The following COL24A1 variants were observed in gnomAD, a reference collection of about 807,000 sequenced individuals.
COL24A1 encodes collagen alpha-1(XXIV) chain.
A neutral mutation model predicts 253.9 loss-of-function variants in COL24A1; 224 were observed. That is an observed-to-expected ratio of 0.88 (90% CI 0.79 to 0.99). COL24A1 has a LOEUF of 0.99. COL24A1 is among the 50% of genes least tolerant of loss of function. The probability of loss-of-function intolerance (pLI) is 0.00; values close to 1 mark genes in which losing one functional copy is unlikely to be tolerated. For missense variants in COL24A1, 2,131 were observed against 2,068.5 expected, an observed-to-expected ratio of 1.03 and a Z score of -0.59; for synonymous variants, 685 against 673.7, an observed-to-expected ratio of 1.02 and a Z score of -0.26.
intron 38 of COL24A1, among the ~76,000 whole-genome samples, chr1:85,848,181 G>A (rs942947656): frequency 1.3e-5 from 2 of 152,164 alleles, no homozygotes; most frequent in African/African-American, 2.4e-5. Flanking sequence ...GTGCAGTTCT[G>A]TACATTCAGG....
At chr1:86,082,094 C>T (rs1702681883) in intron 7 of COL24A1, among the ~76,000 whole-genome samples, 1 of 151,298 alleles carries the variant, frequency 6.6e-6, no homozygotes, top group East Asian at 1.9e-4. Flanking sequence ...CCTCCTTTCA[C>T]AAACTTTTAG....
At chr1:85,786,588 T>C in intron 47 of COL24A1, 127 bp from the exon 48 acceptor site, 2 of 579,066 alleles carry the variant, frequency 3.5e-6, no homozygotes, top group Admixed American at 3.4e-5. Flanking sequence ...GGAGTTATCC[T>C]GGGCTTCTTT....
chr1:85,866,246 G>A (rs964386259), intron 37 of COL24A1, among the ~76,000 whole-genome samples: 3 of 152,126 alleles, frequency 2.0e-5, no homozygotes, highest in Non-Finnish European at 2.9e-5. Flanking sequence ...GTGAGAGTGA[G>A]ACTCTGCCTA....
intron 23 of COL24A1, among the ~76,000 whole-genome samples, chr1:85,962,243 G>A (rs1691155920): frequency 6.6e-6 from 1 of 152,140 alleles, no homozygotes; most frequent in Non-Finnish European, 1.5e-5. Flanking sequence ...TGGCATCACT[G>A]GAGAAGTAAT....
intron 32 of COL24A1, among the ~76,000 whole-genome samples, 185 bp from the exon 33 acceptor site, chr1:85,877,360 GT>G (rs1681298817): frequency 6.6e-6 from 1 of 152,028 alleles, no homozygotes; most frequent in Non-Finnish European, 1.5e-5. Context: ...ATTCATGTAT[GT>G]GTGTGTGTTT....
chr1:85,732,255 G>C (rs1663562946), intron 59 of COL24A1, among the ~76,000 whole-genome samples: 1 of 149,824 alleles, frequency 6.7e-6, no homozygotes, highest in African/African-American at 2.5e-5. Context: ...TTTTGAGACG[G>C]AGTCTCACTC....
At chr1:85,745,396 T>C in intron 56 of COL24A1, 45 bp downstream of exon 56, 1 of 1,412,172 alleles carries the variant, frequency 7.1e-7, no homozygotes. Context: ...GTTTAATTGG[T>C]ATATTGAGAG....
intron 12 of COL24A1, among the ~76,000 whole-genome samples, chr1:86,046,600 T>C (rs910526164): frequency 1.3e-5 from 2 of 152,192 alleles, no homozygotes; most frequent in Non-Finnish European, 2.9e-5. Context: ...CCCACTGGTA[T>C]AGTGAAAGGG....
chr1:86,125,797 T>C lies in COL24A1; in HGVS notation c.539A>G (p.Glu180Gly). Residue 180 changes from glutamate (E) to glycine (G), a missense_variant, in exon 3 of 60, where the codon GAG becomes GGG. Physicochemically the swap from Glu to Gly is moderately conservative, Grantham distance 98. Transcript: ENST00000370571. ...IRNQSVSMFV[E>G]CGKKYFSTET... is the part of the protein sequence containing the mutation. Reference sequence around the variant, plus strand: ...TGTGCTAAAATATTTCTTTCCACACTCAACAAACATTGAGACACTTTGGTT... The same window carrying C: ...TGTGCTAAAATATTTCTTTCCACACCCAACAAACATTGAGACACTTTGGTT... 1 of 1,613,176 alleles carries C rather than the reference T, an allele frequency of 6.2e-7. No homozygotes were observed. Among genetic ancestry groups the C allele is most frequent in the Non-Finnish European group, 8.5e-7 (1 of 1,179,696 alleles).
intron 28 of COL24A1, among the ~76,000 whole-genome samples, chr1:85,900,139 T>C (rs1684131420): frequency 6.6e-6 from 1 of 152,148 alleles, no homozygotes; most frequent in Non-Finnish European, 1.5e-5. Context: ...TAACCACTCA[T>C]TTTATGTTTT....
chr1:85,925,883 G>A (rs569907382), intron 24 of COL24A1, among the ~76,000 whole-genome samples: 2 of 152,184 alleles, frequency 1.3e-5, no homozygotes, highest in South Asian at 4.1e-4. Context: ...AGAGTGAACA[G>A]GCAACCTACA....
intron 48 of COL24A1, among the ~76,000 whole-genome samples, chr1:85,785,678 A>G (rs970432974): frequency 1.3e-5 from 2 of 152,234 alleles, no homozygotes; most frequent in African/African-American, 2.4e-5. Context: ...GTTTACCCAC[A>G]TGGGTCAGAA....
chr1:85,743,068 A>C (rs1199966307), intron 57 of COL24A1, among the ~76,000 whole-genome samples: 1 of 152,052 alleles, frequency 6.6e-6, no homozygotes. Context: ...TTTGCAACAT[A>C]TTAGCTAGAG....
chr1:86,107,408 A>T (rs1219520903), intron 5 of COL24A1, among the ~76,000 whole-genome samples: 2 of 152,236 alleles, frequency 1.3e-5, no homozygotes, highest in Non-Finnish European at 2.9e-5. Context: ...TGTTCTATTA[A>T]TTCCGATTAT....
chr1:85,980,054 T>C (rs1022069700), intron 20 of COL24A1, among the ~76,000 whole-genome samples: 5 of 152,216 alleles, frequency 3.3e-5, no homozygotes, highest in African/African-American at 1.2e-4. Context: ...ATAAATGTGA[T>C]ACATCACATA....
intron 32 of COL24A1, among the ~76,000 whole-genome samples, chr1:85,879,779 G>A (rs1346182507): frequency 1.3e-5 from 2 of 152,140 alleles, no homozygotes; most frequent in African/African-American, 4.8e-5. Flanking sequence ...CTGAGGAGGT[G>A]GAAGAAGGGA....
chr1:86,125,421 T>C lies in COL24A1; in HGVS notation c.915A>G (p.Gln305=), dbSNP rs367868929. 108 of 1,613,540 alleles carry C rather than the reference T, an allele frequency of 6.7e-5. No individual in the cohort carries two copies. The highest frequency in any genetic ancestry group is 8.6e-5 in the Non-Finnish European group (102 of 1,179,818). ...ACTGAGATCTTGATATCTGGTGTTC[T>C]TGTCTTTTATACACGGTTTCAGAAT... The part of the protein sequence containing the change: ...KNDSETVYKR[Q]EHQISRSQLS... Residue 305 remains glutamine, a synonymous_variant, in exon 3 of 60, where the codon CAA becomes CAG. Coordinates refer to ENST00000370571, the MANE Select transcript of COL24A1 (RefSeq NM_152890.7).
chr1:85,896,445 A>G (rs1683733570), intron 28 of COL24A1, 36 bp from the exon 29 acceptor site: 1 of 1,565,804 alleles, frequency 6.4e-7, no homozygotes, highest in Non-Finnish European at 8.8e-7. Context: ...GTTAATTTGA[A>G]ATGTTCCTTT....
In COL24A1 at chr1:85,965,277, G is replaced by C. The variant is rs41309195; in HGVS notation, c.2464-215C>G. Among the ~76,000 whole-genome samples, 370 of 152,008 alleles carry C rather than the reference G, an allele frequency of 2.4e-3. 1 individual carries two copies. Among genetic ancestry groups the C allele is most frequent in the Non-Finnish European group, 4.1e-3 (278 of 67,972 alleles). On this transcript the variant is annotated intron_variant, in intron 22 of 59. Coordinates refer to ENST00000370571, the MANE Select transcript of COL24A1 (RefSeq NM_152890.7). ...TGAACGGTTCTAGATGCAGAGGATC[G>C]AGGACTGCACTGAACATACCTGCCC...
Sources: gnomAD v4.1 joint callset for allele counts (sites outside exome capture counted in the v4.1 genomes callset) on GRCh38, gnomAD v4.1.1 for gene constraint, MANE v1.5 for transcripts, NCBI Gene and HGNC (gene_info 2026-07-23, HGNC 2026-07-21) for gene names.